UHRF1: variants seen among roughly 807,000 people sequenced by gnomAD.
The protein encoded by UHRF1 is E3 ubiquitin-protein ligase UHRF1.
A neutral mutation model predicts 96.5 loss-of-function variants in UHRF1; 9 were observed. The observed-to-expected ratio is 0.09, with a 90% CI of 0.06 to 0.16. The LOEUF is 0.16. UHRF1 is among the 10% of genes least tolerant of loss of function. The probability of loss-of-function intolerance (pLI) is 1.00; values close to 1 mark genes in which losing one functional copy is unlikely to be tolerated. For synonymous variants in UHRF1, 455 were observed against 469.9 expected (o/e 0.97, Z 0.41); for missense variants, 626 against 1,131.1 (o/e 0.55, Z 6.40).
intron 16 of UHRF1, among the ~76,000 whole-genome samples, chr19:4,958,698 G>A (rs1192195503): frequency 2.6e-5 from 4 of 152,144 alleles, no homozygotes; most frequent in Admixed American, 2.0e-4. Context: ...GAGGCCAGCC[G>A]TGGTGGCTAA....
chr19:4,934,980 C>CT (rs34325579), intron 5 of UHRF1, among the ~76,000 whole-genome samples: 41,164 of 149,848 alleles, frequency 0.27, 5,900 homozygotes, highest in Middle Eastern at 0.39. Context: ...TGGTGACTAA[C>CT]TTTTTTTTTT....
At chr19:4,909,887 CG>C (rs1258452014) in intron 1 of UHRF1, 29 of 373,814 alleles carry the variant, frequency 7.8e-5, no homozygotes, top group Admixed American at 5.1e-4. Flanking sequence ...TCGAGCGCGC[CG>C]GGTGGGGGAG....
At chr19:4,927,295 C>T (rs957619652) in intron 2 of UHRF1, among the ~76,000 whole-genome samples, 1 of 145,066 alleles carries the variant, frequency 6.9e-6, no homozygotes, top group Non-Finnish European at 1.5e-5. Context: ...GCACAAGAAT[C>T]GCTTGAACCT....
In UHRF1 at chr19:4,929,399, G is replaced by A. The variant is rs572196393; in HGVS notation, c.331G>A (p.Gly111Ser). The A allele has an allele frequency of 5.6e-6, 9 of 1,613,718 alleles. No individual in the cohort carries two copies. In the East Asian group the frequency reaches 8.9e-5, roughly 16 times the overall value. ...QSESDKSSTH[G>S]EAAAETDSRP... ...TGAGTCAGACAAGTCCTCCACCCACGGTGAGGCGGCCGCCGAGACTGACAG... is the reference window on the plus strand; with the variant it reads ...TGAGTCAGACAAGTCCTCCACCCACAGTGAGGCGGCCGCCGAGACTGACAG... Residue 111 changes from glycine (G) to serine (S), a missense_variant, in exon 3 of 17, where the codon GGT (glycine) becomes AGT (serine). Gly to Ser is a moderately conservative substitution (Grantham distance 56). Around this residue, in one of 11 missense-constraint regions of UHRF1, gnomAD observed 53 missense variants for 95.9 expected, o/e 0.55. Coordinates refer to ENST00000650932, the MANE Select transcript of UHRF1 (RefSeq NM_001048201.3).
At chr19:4,903,747 C>T (rs1273282008) in intron 1 of UHRF1, 1 of 152,142 alleles carries the variant, frequency 6.6e-6, no homozygotes, top group African/African-American at 2.4e-5. Flanking sequence ...ACATGATTCG[C>T]CTGCCTTGGC....
At chr19:4,914,834 G>T (rs577875573) in intron 2 of UHRF1, among the ~76,000 whole-genome samples, 1 of 152,118 alleles carries the variant, frequency 6.6e-6, no homozygotes, top group Non-Finnish European at 1.5e-5. Flanking sequence ...ACGCTGCAGC[G>T]CAGTGCGAAT....
upstream of UHRF1, among the ~76,000 whole-genome samples, chr19:4,908,540 G>A (rs183614067): frequency 4.6e-5 from 7 of 151,920 alleles, no homozygotes; most frequent in East Asian, 5.8e-4. Flanking sequence ...AGCCTTTTCC[G>A]GCCTCTGGGT....
upstream of UHRF1, among the ~76,000 whole-genome samples, chr19:4,906,353 C>T (rs1230388861): frequency 2.0e-5 from 3 of 152,160 alleles, no homozygotes; most frequent in East Asian, 3.8e-4. Context: ...CCTCAATCAA[C>T]AGTCCTCAGT....
intron 9 of UHRF1, among the ~76,000 whole-genome samples, chr19:4,945,415 C>T (rs561635280): frequency 3.3e-5 from 5 of 152,220 alleles, no homozygotes; most frequent in South Asian, 2.1e-4. Flanking sequence ...CATGCCACCA[C>T]GCCCAGCTAA....
intron 2 of UHRF1, among the ~76,000 whole-genome samples, chr19:4,920,921 C>T (rs751013692): frequency 1.6e-4 from 23 of 148,166 alleles, no homozygotes; most frequent in Non-Finnish European, 3.4e-4. Flanking sequence ...GTCAAGAGAT[C>T]GAAACCATCC....
intron 16 of UHRF1, among the ~76,000 whole-genome samples, chr19:4,959,136 C>T (rs570570571): frequency 6.6e-6 from 1 of 152,022 alleles, no homozygotes; most frequent in African/African-American, 2.4e-5. Context: ...CATACACCAC[C>T]ATGGCCAACA....
rs1427066424 is a variant in UHRF1 at position 4,954,989 on chromosome 19, C to T, written c.2130+167C>T. On this transcript the variant is annotated intron_variant, in intron 15 of 16. Transcript: ENST00000650932. The surrounding 1 kb of genome is among the most constrained non-coding windows in gnomAD (Gnocchi z 5.9). ...CCATCACCACCTCCAGAACTTTATC[C>T]TCTCCCCAGACTGAAACCCTGGCCC... Among the ~76,000 whole-genome samples the T allele has an allele frequency of 2.0e-5, 3 of 152,122 alleles. No homozygotes were observed. Among genetic ancestry groups the T allele is most frequent in the South Asian group, 4.1e-4 (2 of 4,836 alleles).
intron 15 of UHRF1, 151 bp from the exon 16 acceptor site, chr19:4,956,558 C>A: frequency 1.6e-6 from 1 of 627,616 alleles, no homozygotes; most frequent in Non-Finnish European, 2.9e-6. Context: ...CTCTGTTTTT[C>A]TCAGAACGGG....
At chr19:4,906,930 C>T (rs1032900656), upstream of UHRF1, among the ~76,000 whole-genome samples, 2 of 152,206 alleles carry the variant, frequency 1.3e-5, no homozygotes, top group Admixed American at 6.6e-5. Flanking sequence ...TGGGCCTGCT[C>T]ATACCTGTGG....
At chr19:4,959,149 A>G (rs988688441) in intron 16 of UHRF1, among the ~76,000 whole-genome samples, 1 of 151,560 alleles carries the variant, frequency 6.6e-6, no homozygotes, top group African/African-American at 2.4e-5. Context: ...GGCCAACATG[A>G]TGAAACCCTG....
At chr19:4,935,524 C>T (rs2033190377) in intron 5 of UHRF1, among the ~76,000 whole-genome samples, 2 of 151,950 alleles carry the variant, frequency 1.3e-5, no homozygotes, top group South Asian at 2.1e-4. Context: ...CACTACTTTG[C>T]GGTTGAAGGA....
At chr19:4,935,050 T>C (rs529163685) in intron 5 of UHRF1, among the ~76,000 whole-genome samples, 7 of 152,116 alleles carry the variant, frequency 4.6e-5, no homozygotes, top group Admixed American at 2.0e-4. Flanking sequence ...CTCTGCTTAC[T>C]GCAACCTCCA....
chr19:4,947,490 C>CTTTTTTTTTTTTTTTTTTT lies in UHRF1; in HGVS notation c.1517+290_1517+308dup, dbSNP rs985069179. 1.0e-4 allele frequency among the ~76,000 whole-genome samples: 6 copies of CTTTTTTTTTTTTTTTTTTT among 57,860 alleles called. 2 individuals carry two copies. The highest frequency in any genetic ancestry group is 6.7e-5 in the African/African-American group (1 of 14,946). The allele number at this position is 57,860 out of a possible 152,430, so 38.0% of individuals were successfully genotyped here. A position where few individuals can be genotyped will look rare whatever the true frequency, so the allele number is the denominator to read the frequency against. ...CTATAAAAGGCCAGATAATAGATAT[C>CTTTTTTTTTTTTTTTTTTT]TTTTTTTTTTTTTTTTTTTTTTTTT... On this transcript the variant is annotated intron_variant, in intron 11 of 16. Transcript: ENST00000650932.
intron 5 of UHRF1, among the ~76,000 whole-genome samples, chr19:4,936,765 C>T (rs1381861469): frequency 6.6e-6 from 1 of 150,416 alleles, no homozygotes; most frequent in Non-Finnish European, 1.5e-5. Flanking sequence ...CGTGATCACA[C>T]CACTGCCCTC....
Sources: gnomAD v4.1 joint callset for allele counts (sites outside exome capture counted in the v4.1 genomes callset) on GRCh38, gnomAD v4.1.1 for gene constraint, gnomAD v4.1.1 regional missense constraint, Gnocchi (gnomAD v3.1) non-coding constraint, MANE v1.5 for transcripts, NCBI Gene and HGNC (gene_info 2026-07-23, HGNC 2026-07-21) for gene names.